Variants in ANKRD31 observed in about 807,000 individuals in gnomAD.
ANKRD31 encodes the protein ankyrin repeat domain 31, also known as ankyrin repeat domain-containing protein 31.
In ANKRD31, 147 loss-of-function variants were observed where a neutral mutation model predicts 186.0. The observed-to-expected ratio is 0.79, with a 90% CI of 0.69 to 0.91. ANKRD31 has a LOEUF of 0.91. ANKRD31 is among the 40% of genes least tolerant of loss of function. ANKRD31 has a pLI of 0.00. For missense variants in ANKRD31, 1,986 were observed against 2,148.8 expected, an observed-to-expected ratio of 0.92 and a Z score of 1.50; for synonymous variants, 673 against 736.4, an observed-to-expected ratio of 0.91 and a Z score of 1.39.
chr5:75,104,680 C>T lies in ANKRD31; in HGVS notation c.4879G>A (p.Asp1627Asn), dbSNP rs73127382. The T allele has an allele frequency of 7.1e-3, 10,929 of 1,536,258 alleles. 618 individuals carry two copies. In the African/African-American group the frequency reaches 0.13, roughly 18 times the overall value. The change falls in exon 22 of 26, where the codon GAC becomes AAC. Residue 1627 changes from aspartate to asparagine, a missense_variant. Transcript: ENST00000506364. ...GAAACATAGAATTCATGGTCTTTGT[C>T]TGTAGCTTCTGTAAGATCATTCTCT... ...QKENDLTEATDKDHEFYVSSP... is the reference protein window; with the variant it reads ...QKENDLTEATNKDHEFYVSSP...
chr5:75,178,694 A>C (rs1447352566), intron 10 of ANKRD31, among the ~76,000 whole-genome samples: 1 of 151,966 alleles, frequency 6.6e-6, no homozygotes, highest in East Asian at 1.9e-4. Context: ...AACGAGAACA[A>C]AGACACAACA....
chr5:75,200,895 G>A (rs1364899035), intron 5 of ANKRD31, among the ~76,000 whole-genome samples: 1 of 148,614 alleles, frequency 6.7e-6, no homozygotes, highest in South Asian at 2.1e-4. Context: ...CTGGGCAATA[G>A]AGCAAGACTT....
intron 12 of ANKRD31, among the ~76,000 whole-genome samples, chr5:75,153,985 C>T (rs995956650): frequency 6.6e-6 from 1 of 152,008 alleles, no homozygotes; most frequent in Non-Finnish European, 1.5e-5. Flanking sequence ...AATGTACAAC[C>T]TGCAGAAAAG....
chr5:75,152,455 G>A (rs1440627757), intron 12 of ANKRD31, among the ~76,000 whole-genome samples: 1 of 152,004 alleles, frequency 6.6e-6, no homozygotes, highest in African/African-American at 2.4e-5. Context: ...CACAAAGGGG[G>A]AACTGCAAAG....
chr5:75,215,050 A>G (rs1756881536), intron 3 of ANKRD31, among the ~76,000 whole-genome samples: 1 of 152,192 alleles, frequency 6.6e-6, no homozygotes, highest in Non-Finnish European at 1.5e-5. Flanking sequence ...AGCCAATGGT[A>G]TAGTTCCAGT....
At chr5:75,107,488 A>C (rs1161161342) in intron 21 of ANKRD31, 33 bp downstream of exon 21, 1 of 1,395,286 alleles carries the variant, frequency 7.2e-7, no homozygotes, top group Admixed American at 2.4e-5. Flanking sequence ...CTAGAAACTC[A>C]AAAGCACTCT....
intron 6 of ANKRD31, among the ~76,000 whole-genome samples, 182 bp downstream of exon 6, chr5:75,199,449 C>T (rs1371832496): frequency 6.6e-6 from 1 of 152,148 alleles, no homozygotes; most frequent in Admixed American, 6.6e-5. Context: ...AAAACACTTT[C>T]ATTAGCAATA....
chr5:75,121,486 T>C (rs939971066), intron 17 of ANKRD31, among the ~76,000 whole-genome samples: 2 of 152,096 alleles, frequency 1.3e-5, no homozygotes, highest in African/African-American at 4.8e-5. Flanking sequence ...GAACATTCTA[T>C]CCAACATCGC....
At chr5:75,187,884 T>A (rs1754844863) in intron 10 of ANKRD31, among the ~76,000 whole-genome samples, 2 of 152,102 alleles carry the variant, frequency 1.3e-5, no homozygotes, top group Admixed American at 1.3e-4. Context: ...AAAAGCACCA[T>A]CCAGGCTGTC....
chr5:75,202,031 G>A (rs1327047003), intron 5 of ANKRD31, among the ~76,000 whole-genome samples: 1 of 152,128 alleles, frequency 6.6e-6, no homozygotes, highest in African/African-American at 2.4e-5. Context: ...CTTGCTTCTG[G>A]TTTGTCCCAC....
chr5:75,091,778 C>T (rs1042870624), intron 22 of ANKRD31, among the ~76,000 whole-genome samples: 3 of 152,092 alleles, frequency 2.0e-5, no homozygotes, highest in Admixed American at 1.3e-4. Context: ...TCTCATCCTG[C>T]CCCCAGCTAC....
At chr5:75,095,094 T>C (rs1746213071) in intron 22 of ANKRD31, among the ~76,000 whole-genome samples, 1 of 152,202 alleles carries the variant, frequency 6.6e-6, no homozygotes, top group African/African-American at 2.4e-5. Flanking sequence ...AATACTTCAA[T>C]ATCCCACTTT....
At chr5:75,095,028 GA>G (rs1746207236) in intron 22 of ANKRD31, among the ~76,000 whole-genome samples, 1 of 152,052 alleles carries the variant, frequency 6.6e-6, no homozygotes, top group Non-Finnish European at 1.5e-5. Flanking sequence ...AAAACAGCAT[GA>G]AAATACATGA....
intron 15 of ANKRD31, among the ~76,000 whole-genome samples, chr5:75,142,221 G>A (rs1424352839): frequency 6.6e-6 from 1 of 151,844 alleles, no homozygotes; most frequent in Non-Finnish European, 1.5e-5. Context: ...GACACTAAGT[G>A]GTACTTTCAA....
chr5:75,133,662 G>A (rs563202009), intron 17 of ANKRD31, among the ~76,000 whole-genome samples: 2 of 152,220 alleles, frequency 1.3e-5, no homozygotes, highest in African/African-American at 4.8e-5. Flanking sequence ...GCATCAAGGG[G>A]ACCTAATAGA....
chr5:75,222,262 T>A lies in ANKRD31; in HGVS notation c.275A>T (p.Asp92Val), dbSNP rs1757347661. ...KNKMMPVLSE[D>V]TILQSQDETE... Reference sequence around the variant, plus strand: ...CATGCTACACACCTGTAATATTGTATCCTCGCTAAGAACAGGCATCATCTT... The same window carrying A: ...CATGCTACACACCTGTAATATTGTAACCTCGCTAAGAACAGGCATCATCTT... The change falls in exon 3 of 26, where the codon GAT becomes GTT. Residue 92 changes from aspartate to valine, a missense_variant. Coordinates refer to ENST00000506364, the MANE Select transcript of ANKRD31 (RefSeq NM_001372053.1). 6.5e-7 allele frequency: 1 copy of A among 1,534,692 alleles called. No homozygotes were observed. The highest frequency in any genetic ancestry group is 1.2e-5 in the South Asian group (1 of 83,898).
intron 22 of ANKRD31, among the ~76,000 whole-genome samples, chr5:75,095,435 C>T (rs1254268910): frequency 2.6e-5 from 4 of 151,744 alleles, no homozygotes; most frequent in African/African-American, 9.7e-5. Context: ...GATCAGACTA[C>T]TGCACTCCAG....
intron 24 of ANKRD31, among the ~76,000 whole-genome samples, chr5:75,084,042 A>T (rs1286590898): frequency 6.6e-6 from 1 of 152,192 alleles, no homozygotes; most frequent in African/African-American, 2.4e-5. Context: ...GAGTGGGTAC[A>T]GGGTTTCTTT....
chr5:75,105,812 G>A (rs1156358771), intron 21 of ANKRD31, among the ~76,000 whole-genome samples: 2 of 152,102 alleles, frequency 1.3e-5, no homozygotes, highest in African/African-American at 4.8e-5. Context: ...CAAGTCCAGA[G>A]GGACTACCGA....
Sources: allele counts gnomAD v4.1 joint callset (sites outside exome capture counted in the v4.1 genomes callset), GRCh38; gene constraint gnomAD v4.1.1; transcripts MANE v1.5; gene names NCBI Gene and HGNC (gene_info 2026-07-23, HGNC 2026-07-21).